The following TAFA2 variants were observed in gnomAD, a reference collection of about 807,000 sequenced individuals.
TAFA2 encodes the protein chemokine-like protein TAFA-2.
A neutral mutation model predicts 18.8 loss-of-function variants in TAFA2; 7 were observed. That is an observed-to-expected ratio of 0.37 (90% CI 0.21 to 0.70). The LOEUF (loss-of-function observed/expected upper bound fraction) is 0.70. Ranked by LOEUF, TAFA2 falls within the 30% of genes least tolerant of loss-of-function variation. The pLI is 0.53. For synonymous variants in TAFA2, 60 were observed against 54.2 expected (o/e 1.11, Z -0.47); for missense variants, 122 against 158.1 (o/e 0.77, Z 1.23).
intron 1 of TAFA2, among the ~76,000 whole-genome samples, chr12:62,132,882 C>A (rs1034137704): frequency 2.2e-4 from 34 of 151,988 alleles, no homozygotes; most frequent in East Asian, 1.9e-4. Flanking sequence ...ATACTGCCCC[C>A]AAAAATATAT....
chr12:62,064,390 A>G (rs1283106695), intron 1 of TAFA2, among the ~76,000 whole-genome samples: 1 of 152,124 alleles, frequency 6.6e-6, no homozygotes, highest in Non-Finnish European at 1.5e-5. Context: ...GGTTTTGAAT[A>G]ATTAAAAAAA....
chr12:61,727,352 C>CT lies in TAFA2; in HGVS notation c.385-16936dup, dbSNP rs34325131. ...GCTGTGAATCCATCTGGTCCTGGAC[C>CT]TTTTTTTTTTGACAATTTTTTTTAT... On this transcript the variant is annotated intron_variant, in intron 4 of 4. Transcript: ENST00000416284. 1.7e-3 allele frequency among the ~76,000 whole-genome samples: 253 copies of CT among 147,608 alleles called. 1 individual carries two copies. Among genetic ancestry groups the CT allele is most frequent in the African/African-American group, 5.1e-3 (202 of 39,980 alleles).
chr12:62,202,922 G>A (rs1332732705), intron 1 of TAFA2, among the ~76,000 whole-genome samples: 1 of 144,346 alleles, frequency 6.9e-6, no homozygotes, highest in Non-Finnish European at 1.5e-5. Context: ...CCACCCCCTG[G>A]CTCAAGTAAT....
chr12:62,222,415 C>T (rs2136979429), intron 1 of TAFA2, among the ~76,000 whole-genome samples: 1 of 152,222 alleles, frequency 6.6e-6, no homozygotes, highest in Non-Finnish European at 1.5e-5. Context: ...TTAAAACTTT[C>T]TTCAAAAAAT....
intron 1 of TAFA2, among the ~76,000 whole-genome samples, chr12:61,998,044 T>A (rs956763960): frequency 2.0e-4 from 31 of 151,846 alleles, no homozygotes; most frequent in African/African-American, 7.5e-4. Context: ...AATTACACAG[T>A]CAGGAGGGAA....
chr12:62,110,619 T>C (rs939497521), intron 1 of TAFA2, among the ~76,000 whole-genome samples: 5 of 149,654 alleles, frequency 3.3e-5, no homozygotes, highest in Non-Finnish European at 7.4e-5. Context: ...GGGCTTTTTT[T>C]TTTTTTTTTT....
chr12:61,781,164 C>A (rs1870485866), intron 2 of TAFA2, among the ~76,000 whole-genome samples: 1 of 151,848 alleles, frequency 6.6e-6, no homozygotes, highest in African/African-American at 2.4e-5. Context: ...AGTCAATCAG[C>A]AGGTATAAAT....
chr12:62,247,222 A>G (rs2062890957), intron 1 of TAFA2, among the ~76,000 whole-genome samples: 1 of 152,142 alleles, frequency 6.6e-6, no homozygotes, highest in African/African-American at 2.4e-5. Flanking sequence ...TTAAGATCTA[A>G]AGTTAACTGA....
intron 2 of TAFA2, among the ~76,000 whole-genome samples, chr12:61,766,355 A>G (rs1869789399): frequency 6.6e-6 from 1 of 152,134 alleles, no homozygotes; most frequent in Non-Finnish European, 1.5e-5. Context: ...CTGAAGGCAC[A>G]TAAACTATTA....
intron 4 of TAFA2, among the ~76,000 whole-genome samples, chr12:61,751,094 C>T (rs1013484824): frequency 5.9e-5 from 9 of 152,042 alleles, no homozygotes; most frequent in Non-Finnish European, 1.3e-4. Flanking sequence ...TTCTATCTGC[C>T]TCTATTCAAC....
chr12:62,084,838 G>A (rs911191037), intron 1 of TAFA2, among the ~76,000 whole-genome samples: 7 of 152,026 alleles, frequency 4.6e-5, no homozygotes, highest in African/African-American at 7.2e-5. Flanking sequence ...TCAGACTAGC[G>A]ATATCTGGTA....
intron 1 of TAFA2, among the ~76,000 whole-genome samples, chr12:62,162,787 T>C (rs868544810): frequency 3.0e-4 from 45 of 152,118 alleles, no homozygotes; most frequent in African/African-American, 9.9e-4. Flanking sequence ...AATAGAAATT[T>C]AGATCAATTA....
intron 1 of TAFA2, among the ~76,000 whole-genome samples, chr12:62,230,883 A>C (rs1026176259): frequency 2.6e-5 from 4 of 152,146 alleles, no homozygotes; most frequent in African/African-American, 9.7e-5. Context: ...ACTATGTTAC[A>C]CAGGCTGGTC....
chr12:61,840,332 A>C (rs570118089), intron 2 of TAFA2, among the ~76,000 whole-genome samples: 2 of 152,164 alleles, frequency 1.3e-5, no homozygotes, highest in African/African-American at 4.8e-5. Context: ...CGAGAGTGTG[A>C]TAAATCAGTG....
At chr12:62,241,906 TTAAG>T (rs1365554243) in intron 1 of TAFA2, among the ~76,000 whole-genome samples, 1 of 152,172 alleles carries the variant, frequency 6.6e-6, no homozygotes, top group East Asian at 1.9e-4. Context: ...GCTACATGCT[TTAAG>T]TGAGGTAAAA....
chr12:61,932,617 A>G (rs1484622468), intron 1 of TAFA2, among the ~76,000 whole-genome samples: 1 of 151,810 alleles, frequency 6.6e-6, no homozygotes, highest in Non-Finnish European at 1.5e-5. Flanking sequence ...TAATTTTTGT[A>G]TTTTTAGTAA....
chr12:62,139,642 A>G (rs1471931811), intron 1 of TAFA2, among the ~76,000 whole-genome samples: 1 of 152,206 alleles, frequency 6.6e-6, no homozygotes, highest in Non-Finnish European at 1.5e-5. Context: ...AGGCTGTGTG[A>G]GCAGTAGCAT....
At chr12:62,110,612 C>CTTGTT (rs758249654) in intron 1 of TAFA2, among the ~76,000 whole-genome samples, 1 of 104,826 alleles carries the variant, frequency 9.5e-6, no homozygotes, top group Admixed American at 1.1e-4. Context: ...TGGTCCTGGG[C>CTTGTT]TTTTTTTTTT....
intron 1 of TAFA2, among the ~76,000 whole-genome samples, chr12:62,226,237 A>G (rs943702422): frequency 4.9e-5 from 7 of 141,792 alleles, no homozygotes; most frequent in African/African-American, 1.9e-4. Flanking sequence ...TCTGCCGCCC[A>G]GGCTGGAGTG....
Sources: allele counts gnomAD v4.1 joint callset (sites outside exome capture counted in the v4.1 genomes callset), GRCh38; gene constraint gnomAD v4.1.1; transcripts MANE v1.5; gene names NCBI Gene and HGNC (gene_info 2026-07-23, HGNC 2026-07-21).